NECAB1: variants seen among roughly 807,000 people sequenced by gnomAD.
NECAB1 encodes the protein N-terminal EF-hand calcium binding protein 1.
Under a neutral mutation model 57.5 loss-of-function variants are expected in NECAB1, and 29 were observed. The observed-to-expected ratio is 0.50, with a 90% CI of 0.38 to 0.69. The LOEUF is 0.69. NECAB1 is among the 30% of genes least tolerant of loss of function. The pLI is 0.00. For missense variants in NECAB1, 372 were observed against 413.8 expected (o/e 0.90, Z 0.88); for synonymous variants, 142 against 147.7 (o/e 0.96, Z 0.28).
At chr8:90,897,784 G>T (rs1210288160) in intron 5 of NECAB1, among the ~76,000 whole-genome samples, 1 of 152,184 alleles carries the variant, frequency 6.6e-6, no homozygotes, top group African/African-American at 2.4e-5. Context: ...CACTTTAGGA[G>T]ACTCAACTGA....
At chr8:90,925,429 T>C (rs979859753) in intron 6 of NECAB1, 106 bp from the exon 7 acceptor site, 43 of 1,290,066 alleles carry the variant, frequency 3.3e-5, no homozygotes, top group Middle Eastern at 2.1e-4. Flanking sequence ...AAGTTTTCAT[T>C]TTGCTGCACT....
At chr8:90,861,363 T>C (rs1812898184) in intron 3 of NECAB1, among the ~76,000 whole-genome samples, 1 of 152,186 alleles carries the variant, frequency 6.6e-6, no homozygotes, top group Admixed American at 6.6e-5. Context: ...CAAAGAAGCA[T>C]GCATGGAAAA....
intron 12 of NECAB1, among the ~76,000 whole-genome samples, chr8:90,955,051 A>T (rs1480235181): frequency 1.4e-5 from 2 of 144,886 alleles, no homozygotes; most frequent in Admixed American, 1.4e-4. Flanking sequence ...GCATGTATGT[A>T]CATATGTATA....
chr8:90,832,799 G>A (rs1001225801), intron 3 of NECAB1, among the ~76,000 whole-genome samples: 1 of 152,076 alleles, frequency 6.6e-6, no homozygotes, highest in Non-Finnish European at 1.5e-5. Context: ...TTAAGGGTCT[G>A]GGGTTTTCTC....
intron 2 of NECAB1, chr8:90,812,594 T>G (rs1485024081): frequency 6.6e-6 from 1 of 152,170 alleles, no homozygotes; most frequent in African/African-American, 2.4e-5. Flanking sequence ...AAAAAGTACC[T>G]AAATATATGA....
intron 5 of NECAB1, among the ~76,000 whole-genome samples, chr8:90,896,578 C>T (rs1278021014): frequency 2.0e-5 from 3 of 151,900 alleles, no homozygotes; most frequent in Admixed American, 2.0e-4. Flanking sequence ...GCACTCCAGC[C>T]TGGGCGACAG....
intron 5 of NECAB1, among the ~76,000 whole-genome samples, chr8:90,906,880 T>C (rs1277714896): frequency 3.5e-5 from 4 of 115,022 alleles, no homozygotes; most frequent in East Asian, 2.9e-4. Context: ...TATACACATA[T>C]ATATATATAT....
intron 6 of NECAB1, among the ~76,000 whole-genome samples, chr8:90,921,959 G>T (rs1207059364): frequency 6.6e-6 from 1 of 152,244 alleles, no homozygotes; most frequent in Non-Finnish European, 1.5e-5. Flanking sequence ...ATGGATATTT[G>T]AGAGAGAAAG....
At chr8:90,951,909 A>C (rs1189603132) in intron 12 of NECAB1, among the ~76,000 whole-genome samples, 1 of 152,202 alleles carries the variant, frequency 6.6e-6, no homozygotes, top group East Asian at 1.9e-4. Context: ...GATGTGGAAA[A>C]GTAAAGATGG....
intron 3 of NECAB1, among the ~76,000 whole-genome samples, chr8:90,864,695 T>C (rs1808476209): frequency 6.6e-6 from 1 of 152,102 alleles, no homozygotes; most frequent in African/African-American, 2.4e-5. Flanking sequence ...CTCCTACCCC[T>C]CTCTCCCATC....
At chr8:90,949,146 T>TTGTGTGTGTGTG (rs59311652) in intron 10 of NECAB1, among the ~76,000 whole-genome samples, 22 of 129,968 alleles carry the variant, frequency 1.7e-4, no homozygotes, top group Middle Eastern at 3.8e-3. Flanking sequence ...AACAGGCACT[T>TTGTGTGTGTGTG]TGTGTGTGTG....
intron 12 of NECAB1, among the ~76,000 whole-genome samples, chr8:90,952,756 C>T (rs193146355): frequency 8.1e-4 from 122 of 149,946 alleles, no homozygotes; most frequent in African/African-American, 2.7e-3. Flanking sequence ...CCAGACTGGG[C>T]GACAGAGCGA....
intron 5 of NECAB1, among the ~76,000 whole-genome samples, chr8:90,896,788 C>G (rs1270774370): frequency 1.3e-5 from 2 of 152,152 alleles, no homozygotes; most frequent in Non-Finnish European, 2.9e-5. Flanking sequence ...ATTACCTACT[C>G]CACTCTAACT....
chr8:90,957,974 A>C lies in NECAB1; in HGVS notation c.*2462A>C, dbSNP rs1811062518. The C allele has an allele frequency of 6.6e-6, 1 of 151,466 alleles. No homozygotes were observed. The highest frequency in any genetic ancestry group is 2.4e-5 in the African/African-American group (1 of 41,372). 9.4% of individuals were successfully genotyped at this position (151,466 alleles called of 1,614,324 possible). ...AAAAAGTACTGGTTTAGGAGTTCAA[A>C]ATTCAGTGAAACAAACTTTTTGCCA... On this transcript the variant is annotated 3_prime_UTR_variant, in exon 13 of 13. Coordinates refer to ENST00000417640, the MANE Select transcript of NECAB1 (RefSeq NM_022351.5).
At position 90,857,943 on chromosome 8, in the gene NECAB1, AAAACT is replaced by A. The variant is rs1812823556; in HGVS notation, c.234-14177_234-14173del. 2.0e-5 allele frequency among the ~76,000 whole-genome samples: 3 copies of A among 152,322 alleles called. No homozygotes were observed. In the South Asian group the frequency reaches 6.2e-4, roughly 32 times the overall value. The stretch of plus-strand genomic sequence containing the variant: ...ATTGAAATTTAACAATTACATTTTT[AAAACT>A]AAACTAAGAATTTTTATTTTAAGCA... On this transcript the variant is annotated intron_variant, in intron 3 of 12. Transcript: ENST00000417640.
chr8:90,920,072 GGCAC>G (rs1436716673), intron 6 of NECAB1, among the ~76,000 whole-genome samples: 3 of 152,160 alleles, frequency 2.0e-5, no homozygotes, highest in Non-Finnish European at 4.4e-5. Context: ...GAAAGTAGAA[GGCAC>G]TAGAGGATTA....
rs1812454750 is a variant in NECAB1, at chr8:90,841,540, G to A, written c.233+16715G>A. Among the ~76,000 whole-genome samples, 3 of 152,272 alleles carry A rather than the reference G, an allele frequency of 2.0e-5. No individual in the cohort carries two copies. In the South Asian group the frequency reaches 6.2e-4, roughly 32 times the overall value. ...AAGCAACTTCACATTTTTAATAATA[G>A]GAGAATATTGGAGGCCACTTAGGCT... is the stretch of plus-strand genomic sequence containing the variant. On this transcript the variant is annotated intron_variant, in intron 3 of 12. Coordinates refer to ENST00000417640, the MANE Select transcript of NECAB1 (RefSeq NM_022351.5).
chr8:90,814,980 G>A (rs1812034159), intron 2 of NECAB1, among the ~76,000 whole-genome samples: 5 of 151,944 alleles, frequency 3.3e-5, no homozygotes, highest in Admixed American at 3.3e-4. Context: ...TGTACCCATG[G>A]GTATCTATAC....
chr8:90,819,813 G>C lies in NECAB1; in HGVS notation c.125-4904G>C, dbSNP rs144273439. Among the ~76,000 whole-genome samples the C allele has an allele frequency of 1.8e-3, 281 of 152,036 alleles. 1 individual carries two copies. The highest frequency in any genetic ancestry group is 6.5e-3 in the African/African-American group (270 of 41,522). On this transcript the variant is annotated intron_variant, in intron 2 of 12. Coordinates refer to ENST00000417640, the MANE Select transcript of NECAB1 (RefSeq NM_022351.5). ...GAAAAATGCCCGTCCTCTCAGGTGGGACAGGGCTCTGGTAAAGTCTTTGAC... is the reference window on the plus strand; with the variant it reads ...GAAAAATGCCCGTCCTCTCAGGTGGCACAGGGCTCTGGTAAAGTCTTTGAC...
Sources: allele counts gnomAD v4.1 joint callset (sites outside exome capture counted in the v4.1 genomes callset), GRCh38; gene constraint gnomAD v4.1.1; transcripts MANE v1.5; gene names NCBI Gene and HGNC (gene_info 2026-07-23, HGNC 2026-07-21).